GRID1: variants seen among roughly 807,000 people sequenced by gnomAD.
GRID1 encodes the protein glutamate ionotropic receptor delta type subunit 1.
Under a neutral mutation model 98.0 loss-of-function variants are expected in GRID1, and 28 were observed. That is an observed-to-expected ratio of 0.29 (90% CI 0.21 to 0.39). The LOEUF (loss-of-function observed/expected upper bound fraction) is 0.39, where lower values mean the gene tolerates loss of function less well. GRID1 is among the 10% of genes least tolerant of loss of function. GRID1 has a pLI of 1.00. For missense variants in GRID1, 1,111 were observed against 1,340.5 expected (o/e 0.83, Z 2.67); for synonymous variants, 553 against 538.5 (o/e 1.03, Z -0.37).
chr10:86,025,224 C>A (rs1259151882), intron 4 of GRID1, among the ~76,000 whole-genome samples: 2 of 152,160 alleles, frequency 1.3e-5, no homozygotes, highest in Non-Finnish European at 2.9e-5. Context: ...GAGCTGCAGA[C>A]CACGAATAGT....
At chr10:86,116,831 C>A (rs999934815) in intron 4 of GRID1, among the ~76,000 whole-genome samples, 10 of 152,166 alleles carry the variant, frequency 6.6e-5, no homozygotes, top group Admixed American at 6.5e-4. Flanking sequence ...GTAGCACAAG[C>A]CTTCAATCCA....
chr10:85,765,690 A>G (rs1837232330), intron 8 of GRID1, among the ~76,000 whole-genome samples: 2 of 152,250 alleles, frequency 1.3e-5, no homozygotes. Context: ...CATTATTTAT[A>G]TGCAAATATT....
At chr10:86,167,508 G>A (rs542660510) in intron 3 of GRID1, among the ~76,000 whole-genome samples, 3 of 152,208 alleles carry the variant, frequency 2.0e-5, no homozygotes, top group Non-Finnish European at 2.9e-5. Context: ...TCAGGCAAAC[G>A]GTGCCAAGGT....
chr10:85,643,823 T>C (rs896249734), intron 13 of GRID1, among the ~76,000 whole-genome samples: 1 of 152,186 alleles, frequency 6.6e-6, no homozygotes, highest in Non-Finnish European at 1.5e-5. Flanking sequence ...ATCCATCTTA[T>C]GTACTAACAA....
At chr10:86,315,347 T>C (rs567918151) in intron 2 of GRID1, among the ~76,000 whole-genome samples, 3 of 152,254 alleles carry the variant, frequency 2.0e-5, no homozygotes, top group African/African-American at 7.2e-5. Context: ...CCAGCACTCC[T>C]GGACCCCAGG....
At chr10:86,038,221 C>T (rs1198435393) in intron 4 of GRID1, among the ~76,000 whole-genome samples, 1 of 152,052 alleles carries the variant, frequency 6.6e-6, no homozygotes, top group Admixed American at 6.5e-5. Flanking sequence ...ATATGGTAGC[C>T]CCAGCACACT....
chr10:86,242,898 C>A (rs1846660765), intron 2 of GRID1, among the ~76,000 whole-genome samples: 1 of 152,156 alleles, frequency 6.6e-6, no homozygotes, highest in African/African-American at 2.4e-5. Flanking sequence ...GTACTGACAG[C>A]CAATGGACAC....
At chr10:85,775,537 G>A (rs1234952057) in intron 8 of GRID1, among the ~76,000 whole-genome samples, 1 of 152,060 alleles carries the variant, frequency 6.6e-6, no homozygotes, top group Non-Finnish European at 1.5e-5. Context: ...ACTCCTAGAG[G>A]AGGAAGGGAG....
chr10:85,891,407 G>A (rs1204914612), intron 5 of GRID1, among the ~76,000 whole-genome samples: 2 of 152,018 alleles, frequency 1.3e-5, no homozygotes, highest in Admixed American at 6.6e-5. Context: ...AGACCCAAGT[G>A]TAAAGATAAA....
At chr10:86,137,114 T>C (rs1258458954) in intron 4 of GRID1, among the ~76,000 whole-genome samples, 1 of 152,096 alleles carries the variant, frequency 6.6e-6, no homozygotes, top group Admixed American at 6.5e-5. Context: ...CACTTGGCAA[T>C]AACATCCTTA....
intron 12 of GRID1, among the ~76,000 whole-genome samples, chr10:85,674,202 C>T (rs764242937): frequency 1.3e-5 from 2 of 152,118 alleles, no homozygotes; most frequent in African/African-American, 2.4e-5. Context: ...GGCTTGTGTG[C>T]TGTGACTTGC....
At chr10:85,734,184 G>A (rs188732130) in intron 8 of GRID1, among the ~76,000 whole-genome samples, 218 of 152,176 alleles carry the variant, frequency 1.4e-3, no homozygotes, top group African/African-American at 5.0e-3. Flanking sequence ...GGCTAGTTTG[G>A]CCAGCACAGC....
chr10:85,667,339 A>G (rs1316901697), intron 12 of GRID1, among the ~76,000 whole-genome samples: 1 of 152,088 alleles, frequency 6.6e-6, no homozygotes, highest in Non-Finnish European at 1.5e-5. Context: ...AGAGAGAGAG[A>G]GAGAGAGACG....
intron 2 of GRID1, among the ~76,000 whole-genome samples, chr10:86,232,310 C>CTGA (rs1846468848): frequency 6.6e-6 from 1 of 152,224 alleles, no homozygotes; most frequent in African/African-American, 2.4e-5. Flanking sequence ...CCCTCAGGAA[C>CTGA]TGATACACTG....
chr10:86,327,171 A>T (rs1474474346), intron 2 of GRID1, among the ~76,000 whole-genome samples: 1 of 152,198 alleles, frequency 6.6e-6, no homozygotes, highest in Non-Finnish European at 1.5e-5. Flanking sequence ...TTTCAAAGTA[A>T]GTCATCCTGC....
intron 4 of GRID1, among the ~76,000 whole-genome samples, chr10:86,029,255 A>G (rs1038076185): frequency 1.3e-5 from 2 of 152,234 alleles, no homozygotes; most frequent in East Asian, 1.9e-4. Flanking sequence ...TCAGGCCAAA[A>G]GTGATGGCAC....
chr10:86,255,526 G>A (rs780622134), intron 2 of GRID1, among the ~76,000 whole-genome samples: 17 of 152,210 alleles, frequency 1.1e-4, no homozygotes, highest in Non-Finnish European at 2.2e-4. Flanking sequence ...CTTGCCACCT[G>A]TGTGCACATC....
intron 4 of GRID1, among the ~76,000 whole-genome samples, chr10:86,035,100 C>A (rs571395285): frequency 5.6e-4 from 86 of 152,264 alleles, no homozygotes; most frequent in African/African-American, 1.9e-3. Flanking sequence ...GTCTTTGGGA[C>A]AAGATCTCTC....
chr10:86,181,517 A>G (rs942851016), intron 3 of GRID1, among the ~76,000 whole-genome samples: 2 of 152,232 alleles, frequency 1.3e-5, no homozygotes, highest in Non-Finnish European at 2.9e-5. Flanking sequence ...AGACAGTCAC[A>G]GTGGGTCCAG....
Sources: allele counts gnomAD v4.1 joint callset (sites outside exome capture counted in the v4.1 genomes callset), GRCh38; gene constraint gnomAD v4.1.1; transcripts MANE v1.5; gene names NCBI Gene and HGNC (gene_info 2026-07-23, HGNC 2026-07-21).